The following GRIA1 variants were observed in gnomAD, a reference collection of about 807,000 sequenced individuals.
GRIA1 encodes the protein glutamate ionotropic receptor AMPA type subunit 1, also known as glutamate receptor 1.
GRIA1 carries 31 observed loss-of-function variants against 99.2 expected under a neutral mutation model. The ratio of observed to expected loss-of-function variants is 0.31; its 90% CI spans 0.23 to 0.42. The LOEUF (loss-of-function observed/expected upper bound fraction) is 0.42, where lower values mean the gene tolerates loss of function less well. Ranked by LOEUF, GRIA1 falls within the 10% of genes least tolerant of loss-of-function variation. The pLI is 1.00. For synonymous variants in GRIA1, 438 were observed against 432.4 expected (o/e 1.01, Z -0.16); for missense variants, 782 against 1,157.5 (o/e 0.68, Z 4.71).
At chr5:153,799,343 G>A (rs1256432059) in intron 14 of GRIA1, among the ~76,000 whole-genome samples, 2 of 152,180 alleles carry the variant, frequency 1.3e-5, no homozygotes, top group Non-Finnish European at 2.9e-5. Flanking sequence ...CCTGCCCCAG[G>A]ATTTCCCATT....
intron 2 of GRIA1, among the ~76,000 whole-genome samples, chr5:153,602,161 A>C (rs1390754596): frequency 2.0e-5 from 3 of 152,238 alleles, no homozygotes; most frequent in African/African-American, 7.2e-5. Flanking sequence ...CTGGATTAAG[A>C]AAATGTGGCA....
At chr5:153,739,088 C>CAAAA (rs34623069) in intron 11 of GRIA1, among the ~76,000 whole-genome samples, 8,790 of 139,266 alleles carry the variant, frequency 0.063, 323 homozygotes, top group Non-Finnish European at 0.084. Flanking sequence ...GGGATTTCTC[C>CAAAA]AAAAAAAAAA....
chr5:153,571,144 C>T (rs1762079817), intron 2 of GRIA1, among the ~76,000 whole-genome samples: 1 of 152,142 alleles, frequency 6.6e-6, no homozygotes, highest in Admixed American at 6.5e-5. Context: ...TATCCTTGGC[C>T]TCTATCCATT....
intron 8 of GRIA1, among the ~76,000 whole-genome samples, chr5:153,687,467 G>A (rs1384547514): frequency 6.6e-6 from 1 of 152,156 alleles, no homozygotes; most frequent in African/African-American, 2.4e-5. Flanking sequence ...ACTGGAACTG[G>A]CCCATTGAAA....
At chr5:153,581,658 T>C (rs550631723) in intron 2 of GRIA1, among the ~76,000 whole-genome samples, 182 of 152,130 alleles carry the variant, frequency 1.2e-3, no homozygotes, top group Non-Finnish European at 2.1e-3. Context: ...CCTCTGTACA[T>C]CTCCATTACA....
chr5:153,510,149 A>T (rs1755920113), intron 2 of GRIA1, among the ~76,000 whole-genome samples: 1 of 152,164 alleles, frequency 6.6e-6, no homozygotes, highest in South Asian at 2.1e-4. Context: ...ATAAAATTTA[A>T]ATCTGGTCCT....
chr5:153,630,029 G>C (rs576385804), intron 2 of GRIA1, among the ~76,000 whole-genome samples: 1 of 152,144 alleles, frequency 6.6e-6, no homozygotes, highest in Admixed American at 6.5e-5. Context: ...CAGACATACA[G>C]GGGTTTGAAT....
intron 11 of GRIA1, among the ~76,000 whole-genome samples, chr5:153,712,075 G>A (rs1447922930): frequency 3.9e-5 from 6 of 151,922 alleles, no homozygotes; most frequent in East Asian, 3.9e-4. Context: ...TTCCAAGACC[G>A]AGTCTTGCTC....
chr5:153,746,340 T>A (rs1245788929), intron 11 of GRIA1, among the ~76,000 whole-genome samples: 1 of 139,638 alleles, frequency 7.2e-6, no homozygotes, highest in Non-Finnish European at 1.5e-5. Flanking sequence ...CAAATGGGGA[T>A]TTTCAATGGG....
At chr5:153,647,825 CT>C in intron 3 of GRIA1, among the ~76,000 whole-genome samples, 1 of 152,250 alleles carries the variant, frequency 6.6e-6, no homozygotes, top group South Asian at 2.1e-4. Context: ...TTCTCTATGT[CT>C]TTACTCATGT....
intron 14 of GRIA1, among the ~76,000 whole-genome samples, chr5:153,798,856 G>C (rs1022804333): frequency 6.6e-6 from 1 of 152,064 alleles, no homozygotes; most frequent in Admixed American, 6.5e-5. Context: ...AATATAGGGG[G>C]GGAAATCTCC....
At position 153,705,662 on chromosome 5, in the gene GRIA1, ATTTTTTTTTTTTTTT is replaced by A. The variant is rs70978505; in HGVS notation, c.1453-18_1453-4del. 7.8e-5 allele frequency: 59 copies of A among 752,722 alleles called. 1 individual carries two copies. Among genetic ancestry groups the A allele is most frequent in the Admixed American group, 5.1e-4 (9 of 17,532 alleles). The allele number at this position is 752,722 out of a possible 1,614,324, so 46.6% of individuals were successfully genotyped here. A position where few individuals can be genotyped will look rare whatever the true frequency, so the allele number is the denominator to read the frequency against. On this transcript the variant is annotated intron_variant, in intron 10 of 15. Transcript: ENST00000285900. ...GAAAAGGGCTGCTGAGCTCACCTGC[ATTTTTTTTTTTTTTT>A]TTTTTTTTTTTTTTTTCAGAGAGCA...
intron 13 of GRIA1, among the ~76,000 whole-genome samples, chr5:153,773,846 T>C (rs1482722219): frequency 6.6e-6 from 1 of 152,126 alleles, no homozygotes; most frequent in Non-Finnish European, 1.5e-5. Flanking sequence ...CATGGGGCCA[T>C]CATAATTCCT....
intron 2 of GRIA1, among the ~76,000 whole-genome samples, chr5:153,541,824 A>G (rs1022176191): frequency 1.5e-4 from 22 of 147,540 alleles, no homozygotes; most frequent in Admixed American, 5.5e-4. Flanking sequence ...CAGCTGCTTG[A>G]GAGGCTGAGG....
chr5:153,655,520 G>A (rs1479401799), intron 4 of GRIA1, among the ~76,000 whole-genome samples: 5 of 152,170 alleles, frequency 3.3e-5, no homozygotes, highest in African/African-American at 1.2e-4. Context: ...TGGGGTTACA[G>A]TAACACCACT....
At chr5:153,520,814 A>G (rs1757068374) in intron 2 of GRIA1, among the ~76,000 whole-genome samples, 1 of 152,226 alleles carries the variant, frequency 6.6e-6, no homozygotes, top group African/African-American at 2.4e-5. Context: ...TAATAATAAC[A>G]ATATAAATAG....
intron 12 of GRIA1, among the ~76,000 whole-genome samples, chr5:153,764,932 A>G (rs1337666987): frequency 1.3e-5 from 2 of 152,228 alleles, no homozygotes; most frequent in Non-Finnish European, 2.9e-5. Context: ...CTCTGTTATC[A>G]CGGAAACCTT....
At chr5:153,787,683 T>C (rs1765047782) in intron 13 of GRIA1, among the ~76,000 whole-genome samples, 1 of 152,232 alleles carries the variant, frequency 6.6e-6, no homozygotes, top group Admixed American at 6.5e-5. Flanking sequence ...TTTTGGCTGA[T>C]GGTCCTCGCA....
chr5:153,687,783 G>C (rs913734755), intron 8 of GRIA1, among the ~76,000 whole-genome samples: 1 of 152,098 alleles, frequency 6.6e-6, no homozygotes, highest in African/African-American at 2.4e-5. Context: ...GTCTAGAACC[G>C]CATCTTCTAC....
Sources: allele counts gnomAD v4.1 joint callset (sites outside exome capture counted in the v4.1 genomes callset), GRCh38; gene constraint gnomAD v4.1.1; transcripts MANE v1.5; gene names NCBI Gene and HGNC (gene_info 2026-07-23, HGNC 2026-07-21).